The following TENT4B variants were observed in gnomAD, a reference collection of about 807,000 sequenced individuals.
TENT4B encodes the protein PAP associated domain containing 5.
Under a neutral mutation model 75.0 loss-of-function variants are expected in TENT4B, and 10 were observed. That is an observed-to-expected ratio of 0.13 (90% CI 0.08 to 0.23). The LOEUF (loss-of-function observed/expected upper bound fraction) is 0.23, where lower values mean the gene tolerates loss of function less well. Ranked by LOEUF, TENT4B falls within the 10% of genes least tolerant of loss-of-function variation. The pLI is 1.00. For missense variants in TENT4B, 579 were observed against 893.8 expected (o/e 0.65, Z 4.49); for synonymous variants, 350 against 357.7 (o/e 0.98, Z 0.24).
intron 1 of TENT4B, among the ~76,000 whole-genome samples, chr16:50,174,669 ATTCT>A (rs1041406542): frequency 2.7e-5 from 4 of 149,910 alleles, no homozygotes; most frequent in Non-Finnish European, 5.9e-5. Context: ...ATTAGAACTT[ATTCT>A]TTCTACCTGG....
At chr16:50,155,639 C>T (rs1176653071) in intron 1 of TENT4B, among the ~76,000 whole-genome samples, 1 of 152,046 alleles carries the variant, frequency 6.6e-6, no homozygotes, top group African/African-American at 2.4e-5. Context: ...TCAAACCTGC[C>T]CTCACATTCC....
At chr16:50,193,412 A>G (rs2029990590) in intron 1 of TENT4B, among the ~76,000 whole-genome samples, 1 of 141,452 alleles carries the variant, frequency 7.1e-6, no homozygotes, top group African/African-American at 2.7e-5. Flanking sequence ...ATCTCGGCTC[A>G]CTGCAACCTC....
chr16:50,178,142 C>CTTTTTT (rs35008488), intron 1 of TENT4B, among the ~76,000 whole-genome samples: 1 of 115,632 alleles, frequency 8.6e-6, no homozygotes, highest in Non-Finnish European at 1.7e-5. Context: ...AGGTGGTCTA[C>CTTTTTT]TTTTTTTTTT....
intron 1 of TENT4B, among the ~76,000 whole-genome samples, chr16:50,160,990 C>T (rs903852590): frequency 6.6e-6 from 1 of 152,116 alleles, no homozygotes; most frequent in African/African-American, 2.4e-5. Flanking sequence ...AGACTAGTTA[C>T]CAGCACCTGG....
chr16:50,162,696 C>CT (rs973595661), intron 1 of TENT4B, among the ~76,000 whole-genome samples: 1 of 151,996 alleles, frequency 6.6e-6, no homozygotes, highest in African/African-American at 2.4e-5. Context: ...AACATTTTAA[C>CT]TTTTTTTTGT....
intron 1 of TENT4B, among the ~76,000 whole-genome samples, chr16:50,208,313 A>G (rs550948707): frequency 5.9e-5 from 9 of 152,348 alleles, no homozygotes; most frequent in South Asian, 2.1e-4. Context: ...TTATAAATCT[A>G]TAATAATTCC....
intron 1 of TENT4B, among the ~76,000 whole-genome samples, chr16:50,195,761 G>T (rs1476576652): frequency 6.6e-6 from 1 of 152,124 alleles, no homozygotes; most frequent in Non-Finnish European, 1.5e-5. Context: ...ACATGTAAAT[G>T]TATAAAGGTA....
intron 1 of TENT4B, among the ~76,000 whole-genome samples, chr16:50,178,288 T>C (rs909821359): frequency 6.6e-6 from 1 of 151,680 alleles, no homozygotes; most frequent in African/African-American, 2.4e-5. Context: ...AGACTTCACT[T>C]GCACAACAAA....
intron 1 of TENT4B, among the ~76,000 whole-genome samples, chr16:50,191,173 G>A (rs2038630991): frequency 6.6e-6 from 1 of 152,100 alleles, no homozygotes. Context: ...TGCTATAGCT[G>A]TACAAGTATC....
Position 50,231,419 on chromosome 16 carries a change from G to A in TENT4B, c.*2091G>A. 1 of 984,686 alleles carries A rather than the reference G, an allele frequency of 1.0e-6. No individual in the cohort carries two copies. Among genetic ancestry groups the A allele is most frequent in the East Asian group, 1.1e-4 (1 of 8,808 alleles). 61.0% of individuals were successfully genotyped at this position (984,686 alleles called of 1,614,324 possible). On this transcript the variant is annotated 3_prime_UTR_variant, in exon 12 of 12. Coordinates refer to ENST00000561678, the MANE Select transcript of TENT4B (RefSeq NM_001365324.3). ...TGCCTATTTCAGACACTTAATACTT[G>A]CAGAGATCTATGTTACATTTACCAC... is the stretch of plus-strand genomic sequence containing the variant.
In TENT4B at chr16:50,193,439, G is replaced by A. The variant is rs1168496339; in HGVS notation, c.639-17884G>A. ...TGCAACCTCTGCCTCCTGGGCTCAA[G>A]CAATTCTCCTGCCTCAGCCTCCCGA... On this transcript the variant is annotated intron_variant, in intron 1 of 11. Coordinates refer to ENST00000561678, the MANE Select transcript of TENT4B (RefSeq NM_001365324.3). Among the ~76,000 whole-genome samples the A allele has an allele frequency of 2.0e-5, 3 of 148,108 alleles. No homozygotes were observed. In the East Asian group the frequency reaches 6.3e-4, roughly 31 times the overall value.
intron 1 of TENT4B, among the ~76,000 whole-genome samples, chr16:50,174,943 A>G (rs931878060): frequency 1.3e-5 from 2 of 151,686 alleles, no homozygotes; most frequent in African/African-American, 2.4e-5. Context: ...GGGTTTCACC[A>G]TCTTAGCCAG....
chr16:50,165,058 ATTT>A (rs5816678), intron 1 of TENT4B, among the ~76,000 whole-genome samples: 1 of 148,354 alleles, frequency 6.7e-6, no homozygotes, highest in Non-Finnish European at 1.5e-5. Flanking sequence ...CGTCTGAAAA[ATTT>A]TTTTTTTTTT....
intron 1 of TENT4B, among the ~76,000 whole-genome samples, chr16:50,200,662 T>C (rs539223008): frequency 1.3e-5 from 2 of 152,328 alleles, no homozygotes; most frequent in South Asian, 2.1e-4. Flanking sequence ...TTCTCATCTA[T>C]GTATCTTCTT....
rs2150755382 is a variant in TENT4B at position 50,230,915 on chromosome 16, T to A, written c.*1587T>A. 1.0e-6 allele frequency: 1 copy of A among 980,012 alleles called. No homozygotes were observed. Among genetic ancestry groups the A allele is most frequent in the Non-Finnish European group, 1.2e-6 (1 of 824,772 alleles). The allele number at this position is 980,012 out of a possible 1,614,324, so 60.7% of individuals were successfully genotyped here. A position where few individuals can be genotyped will look rare whatever the true frequency, so the allele number is the denominator to read the frequency against. On this transcript the variant is annotated 3_prime_UTR_variant, in exon 12 of 12. Transcript: ENST00000561678. ...CAGCCATTTCTGAGACGAGATTCTT[T>A]TATATATATATACATATAAAGTACT...
chr16:50,221,445 G>A (rs751143074), intron 5 of TENT4B, among the ~76,000 whole-genome samples: 38 of 152,182 alleles, frequency 2.5e-4, no homozygotes, highest in African/African-American at 4.8e-4. Context: ...GTGTTCTCTC[G>A]GGTAGCCCTG....
chr16:50,193,462 C>T (rs572406497), intron 1 of TENT4B, among the ~76,000 whole-genome samples: 215 of 151,832 alleles, frequency 1.4e-3, no homozygotes, highest in Non-Finnish European at 2.6e-3. Flanking sequence ...CTCAGCCTCC[C>T]GAGTAGCTGG....
intron 2 of TENT4B, among the ~76,000 whole-genome samples, chr16:50,212,658 C>T (rs915805709): frequency 6.6e-6 from 1 of 152,150 alleles, no homozygotes; most frequent in African/African-American, 2.4e-5. Flanking sequence ...AATGACCATA[C>T]ATCGCATTCT....
chr16:50,175,009 G>A (rs550482488), intron 1 of TENT4B, among the ~76,000 whole-genome samples: 9 of 152,044 alleles, frequency 5.9e-5, no homozygotes, highest in Middle Eastern at 3.4e-3. Flanking sequence ...CCAAAGTGCC[G>A]GGATTACAGG....
Sources: gnomAD v4.1 joint callset for allele counts (sites outside exome capture counted in the v4.1 genomes callset) on GRCh38, gnomAD v4.1.1 for gene constraint, MANE v1.5 for transcripts, NCBI Gene and HGNC (gene_info 2026-07-23, HGNC 2026-07-21) for gene names.